SHB: variants seen among roughly 807,000 people sequenced by gnomAD.
The protein encoded by SHB is SH2 domain containing adaptor protein B.
In SHB, 20 loss-of-function variants were observed where a neutral mutation model predicts 52.3. The observed-to-expected ratio is 0.38, with a 90% CI of 0.27 to 0.56. The LOEUF (loss-of-function observed/expected upper bound fraction) is 0.56. Among genes scored for constraint, SHB ranks in the 20% least tolerant of loss-of-function variants. The probability of loss-of-function intolerance (pLI) is 0.71; values close to 1 mark genes in which losing one functional copy is unlikely to be tolerated. For synonymous variants in SHB, 397 were observed against 316.5 expected, an observed-to-expected ratio of 1.25 and a Z score of -2.70; for missense variants, 825 against 723.3, an observed-to-expected ratio of 1.14 and a Z score of -1.61.
intron 1 of SHB, among the ~76,000 whole-genome samples, chr9:38,056,932 G>A (rs1821828880): frequency 1.3e-5 from 2 of 152,178 alleles, no homozygotes; most frequent in African/African-American, 4.8e-5. Flanking sequence ...AGGAATCCAG[G>A]AAACTGCAAA....
At chr9:37,931,392 G>GA (rs1001021185) in intron 5 of SHB, among the ~76,000 whole-genome samples, 435 of 152,204 alleles carry the variant, frequency 2.9e-3, no homozygotes, top group African/African-American at 9.8e-3. Context: ...ACTCCATAGT[G>GA]AAAAAACAAA....
At chr9:37,921,682 G>A (rs1832182016) in intron 5 of SHB, among the ~76,000 whole-genome samples, 1 of 152,280 alleles carries the variant, frequency 6.6e-6, no homozygotes, top group Non-Finnish European at 1.5e-5. Context: ...TCATTTCATC[G>A]GAGAATTGCC....
rs185714621 is a variant in SHB at position 38,010,403 on chromosome 9, G to C, written c.838+5608C>G. On this transcript the variant is annotated intron_variant, in intron 2 of 5. Transcript: ENST00000377707. ...GGCACAAAAACACGCTGTGCCTTTA[G>C]GTTAACTTGGGCTTCCAGATCCCAG... 2.6e-3 allele frequency among the ~76,000 whole-genome samples: 394 copies of C among 152,318 alleles called. 1 individual carries two copies. Among genetic ancestry groups the C allele is most frequent in the Non-Finnish European group, 2.9e-3 (199 of 68,040 alleles).
At position 38,016,579 on chromosome 9, in the gene SHB, C is replaced by T. The variant is rs559245984; in HGVS notation, c.718-448G>A. On this transcript the variant is annotated intron_variant, in intron 1 of 5. Coordinates refer to ENST00000377707, the MANE Select transcript of SHB (RefSeq NM_003028.3). ...CTGGCTGAGGCACAGAAGAGTTTGT[C>T]TAGAGATAATTAGCTCGGCGTTCCA... Among the ~76,000 whole-genome samples, 85 of 152,338 alleles carry T rather than the reference C, an allele frequency of 5.6e-4. 1 individual carries two copies. Among genetic ancestry groups the T allele is most frequent in the Non-Finnish European group, 1.1e-3 (74 of 68,032 alleles).
intron 3 of SHB, among the ~76,000 whole-genome samples, chr9:37,957,619 G>A (rs1383151994): frequency 6.6e-6 from 1 of 152,192 alleles, no homozygotes; most frequent in South Asian, 2.1e-4. Flanking sequence ...GTCCACCCGC[G>A]ATGACACTCC....
intron 2 of SHB, among the ~76,000 whole-genome samples, chr9:37,987,156 G>A (rs900891083): frequency 5.3e-5 from 8 of 152,216 alleles, no homozygotes; most frequent in African/African-American, 1.7e-4. Context: ...GCCCCTCCCC[G>A]CCTGACTGCT....
rs557689207 is a variant in SHB at position 38,028,922 on chromosome 9, G to A, written c.718-12791C>T. On this transcript the variant is annotated intron_variant, in intron 1 of 5. Coordinates refer to ENST00000377707, the MANE Select transcript of SHB (RefSeq NM_003028.3). ...CCACGGGGTGGTAGGGTGAGGGTGA[G>A]GGGGCACCTTGCCTGCTGCTCCTCT... Among the ~76,000 whole-genome samples the A allele has an allele frequency of 2.6e-5, 4 of 152,228 alleles. No individual in the cohort carries two copies. The East Asian group carries it at 7.7e-4, about 29-fold the overall frequency.
At chr9:38,002,921 G>A (rs1216207122) in intron 2 of SHB, among the ~76,000 whole-genome samples, 1 of 152,106 alleles carries the variant, frequency 6.6e-6, no homozygotes, top group East Asian at 1.9e-4. Flanking sequence ...CCAGACCCAG[G>A]GCATAGGGCT....
chr9:37,957,678 G>A (rs1832651170), intron 3 of SHB, among the ~76,000 whole-genome samples: 1 of 152,230 alleles, frequency 6.6e-6, no homozygotes, highest in African/African-American at 2.4e-5. Flanking sequence ...TGGGAAAATA[G>A]TGATGGGCAC....
At position 37,916,748 on chromosome 9, in the gene SHB, G is replaced by A. The variant is rs1016077352; in HGVS notation, c.*3073C>T. The stretch of plus-strand genomic sequence containing the variant: ...TGACTTCAGGACGGGACTGGCAGGC[G>A]GTGGGGCCCTCTTCCCCTACAAAGC... On this transcript the variant is annotated 3_prime_UTR_variant, in exon 6 of 6. Transcript: ENST00000377707. 2.6e-5 allele frequency among the ~76,000 whole-genome samples: 4 copies of A among 152,166 alleles called. No homozygotes were observed. The highest frequency in any genetic ancestry group is 1.9e-4 in the East Asian group (1 of 5,180).
intron 1 of SHB, among the ~76,000 whole-genome samples, chr9:38,042,067 C>A (rs1352690128): frequency 2.7e-5 from 4 of 150,350 alleles, no homozygotes; most frequent in Non-Finnish European, 6.0e-5. Flanking sequence ...GTGCCGACGT[C>A]TGGCTTCGCC....
intron 5 of SHB, among the ~76,000 whole-genome samples, chr9:37,942,233 C>G (rs1011960102): frequency 6.6e-6 from 1 of 152,226 alleles, no homozygotes; most frequent in Admixed American, 6.5e-5. Flanking sequence ...ACAAACCCGG[C>G]TGCTCTAAGC....
chr9:37,944,233 C>A (rs1832467034), intron 5 of SHB, among the ~76,000 whole-genome samples: 1 of 152,166 alleles, frequency 6.6e-6, no homozygotes, highest in African/African-American at 2.4e-5. Flanking sequence ...TGTGCAGGCG[C>A]CACTGTGGGT....
At chr9:38,056,967 C>G (rs1021664652) in intron 1 of SHB, among the ~76,000 whole-genome samples, 4 of 152,140 alleles carry the variant, frequency 2.6e-5, no homozygotes, top group African/African-American at 9.7e-5. Context: ...ATTAGAATTC[C>G]GAGGATTGTG....
chr9:38,008,746 C>T (rs1216056667), intron 2 of SHB, among the ~76,000 whole-genome samples: 5 of 152,146 alleles, frequency 3.3e-5, no homozygotes, highest in Non-Finnish European at 5.9e-5. Flanking sequence ...CTGTGACCAC[C>T]AGGACAGGCT....
chr9:37,933,899 C>A (rs1832340269), intron 5 of SHB, among the ~76,000 whole-genome samples: 1 of 152,230 alleles, frequency 6.6e-6, no homozygotes, highest in Non-Finnish European at 1.5e-5. Context: ...CTGCTTCTGC[C>A]CTGTGAAGGT....
intron 1 of SHB, among the ~76,000 whole-genome samples, chr9:38,039,849 G>A (rs7045187): frequency 0.013 from 1,973 of 152,358 alleles, 41 homozygotes; most frequent in African/African-American, 0.045. Context: ...GCTGGAGCTC[G>A]AGGGGCGAGG....
At chr9:37,928,942 G>C (rs1424788066) in intron 5 of SHB, among the ~76,000 whole-genome samples, 2 of 152,268 alleles carry the variant, frequency 1.3e-5, no homozygotes, top group Admixed American at 6.5e-5. Flanking sequence ...GGCAGCCTCG[G>C]GGGAAGCCCC....
At position 37,917,907 on chromosome 9, in the gene SHB, G is replaced by A. The variant is rs1436491708; in HGVS notation, c.*1914C>T. ...AAGAGGCAGACTGGTCACTAAAGGCGGGTCACCAAGGGCAGGGCTTTGCAC... is the reference window on the plus strand; with the variant it reads ...AAGAGGCAGACTGGTCACTAAAGGCAGGTCACCAAGGGCAGGGCTTTGCAC... On this transcript the variant is annotated 3_prime_UTR_variant, in exon 6 of 6. Coordinates refer to ENST00000377707, the MANE Select transcript of SHB (RefSeq NM_003028.3). Among the ~76,000 whole-genome samples the A allele has an allele frequency of 6.6e-6, 1 of 152,228 alleles. No homozygotes were observed. Among genetic ancestry groups the A allele is most frequent in the Non-Finnish European group, 1.5e-5 (1 of 68,054 alleles).
Sources: gnomAD v4.1 joint callset for allele counts (sites outside exome capture counted in the v4.1 genomes callset) on GRCh38, gnomAD v4.1.1 for gene constraint, MANE v1.5 for transcripts, NCBI Gene and HGNC (gene_info 2026-07-23, HGNC 2026-07-21) for gene names.